ZNF468: variants seen among roughly 807,000 people sequenced by gnomAD.
The protein encoded by ZNF468 is zinc finger protein ZNF468.
ZNF468 carries 8 observed loss-of-function variants against 7.2 expected under a neutral mutation model. That is an observed-to-expected ratio of 1.11 (90% CI 0.65 to 2.01). ZNF468 has a LOEUF of 2.01. ZNF468 is among the 30% of genes most tolerant of loss of function. The pLI is 0.00. For synonymous variants in ZNF468, 218 were observed against 214.4 expected, an observed-to-expected ratio of 1.02 and a Z score of -0.15; for missense variants, 608 against 626.5, an observed-to-expected ratio of 0.97 and a Z score of 0.31.
chr19:52,850,774 C>A (rs1287662750), intron 2 of ZNF468, among the ~76,000 whole-genome samples: 1 of 151,842 alleles, frequency 6.6e-6, no homozygotes, highest in Non-Finnish European at 1.5e-5. Flanking sequence ...TGGCGGGCGC[C>A]TGTAGTCCCA....
chr19:52,846,284 C>T (rs939718360), intron 3 of ZNF468, among the ~76,000 whole-genome samples: 2 of 152,092 alleles, frequency 1.3e-5, no homozygotes, highest in Admixed American at 1.3e-4. Context: ...ACCGCAACCT[C>T]TGCCTCCCGG....
rs771700341 is a variant in ZNF468, at chr19:52,849,097, G to A, written c.132C>T (p.Leu44=). ...RDVMLENYRN[L]VSLDISSKCM... is the part of the protein sequence containing the mutation. ...GGAAGTTATCCTCACCCAGGGAGAC[G>A]AGGTTCCTATAATTCTCCAGCATCA... Residue 44 remains leucine, a synonymous_variant, in exon 3 of 4, where the codon CTC becomes CTT. Transcript: ENST00000595646. 6.2e-6 allele frequency: 10 copies of A among 1,613,572 alleles called. No homozygotes were observed. Among genetic ancestry groups the A allele is most frequent in the South Asian group, 1.1e-5 (1 of 91,038 alleles).
chr19:52,848,476 C>T (rs188688698), intron 3 of ZNF468, among the ~76,000 whole-genome samples: 1 of 152,282 alleles, frequency 6.6e-6, no homozygotes, highest in Admixed American at 6.5e-5. Context: ...ACATCAAGCT[C>T]TCTTCCAAGA....
intron 2 of ZNF468, among the ~76,000 whole-genome samples, chr19:52,849,921 T>C (rs1159777213): frequency 6.6e-6 from 1 of 151,610 alleles, no homozygotes; most frequent in Non-Finnish European, 1.5e-5. Flanking sequence ...ATAAAATAAA[T>C]GAAAACAAAA....
rs545741471 is a variant in ZNF468 at position 52,841,197 on chromosome 19, C to T, written c.1097G>A (p.Arg366Gln). The change falls in exon 4 of 4, where the codon CGA becomes CAA. Residue 366 changes from arginine to glutamine, a missense_variant. Physicochemically the swap from Arg to Gln is conservative, Grantham distance 43. Coordinates refer to ENST00000595646, the MANE Select transcript of ZNF468 (RefSeq NM_001008801.2). ...ATGATGGCGTGCAAGGGTTGATAGTCGATTAAAAACTTTGCCACATTCATT... is the reference window on the plus strand; with the variant it reads ...ATGATGGCGTGCAAGGGTTGATAGTTGATTAAAAACTTTGCCACATTCATT... Reference protein sequence around the residue: ...TCNECGKVFNRLSTLARHHRL... With the variant: ...TCNECGKVFNQLSTLARHHRL... 62 of 1,609,062 alleles carry T rather than the reference C, an allele frequency of 3.9e-5. 2 individuals carry two copies. The South Asian group carries it at 4.4e-4, about 11-fold the overall frequency.
rs562209675 is a variant in ZNF468, at chr19:52,843,329, G to A, written c.143-1178C>T. Among the ~76,000 whole-genome samples the A allele has an allele frequency of 1.6e-4, 24 of 152,096 alleles. 1 individual carries two copies. Among genetic ancestry groups the A allele is most frequent in the Middle Eastern group, 3.4e-3 (1 of 294 alleles). Reference sequence around the variant, plus strand: ...GCTCACTGCAACCTCCACCTCCTGGGTTCATGCTAGTCTCTTGCCTTAGGT... The same window carrying A: ...GCTCACTGCAACCTCCACCTCCTGGATTCATGCTAGTCTCTTGCCTTAGGT... On this transcript the variant is annotated intron_variant, in intron 3 of 3. Transcript: ENST00000595646.
At position 52,838,267 on chromosome 19, in the gene ZNF468, T is replaced by C. The variant is rs1421505819; in HGVS notation, c.*2458A>G. The C allele has an allele frequency of 6.6e-6, 1 of 152,158 alleles. No homozygotes were observed. The highest frequency in any genetic ancestry group is 1.5e-5 in the Non-Finnish European group (1 of 68,040). 9.4% of individuals were successfully genotyped at this position (152,158 alleles called of 1,614,324 possible). ...AAAGATGAAAACCACATCATCTCAA[T>C]ACATGGAGAAAAAGCATTTCACAAA... On this transcript the variant is annotated 3_prime_UTR_variant, in exon 4 of 4. Coordinates refer to ENST00000595646, the MANE Select transcript of ZNF468 (RefSeq NM_001008801.2).
rs778139055 is a variant in ZNF468, at chr19:52,841,618, A to C, written c.676T>G (p.Cys226Gly). ...TGATGTTTTTTTAAGAGTGAGCTGC[A>C]ATTAAAGGATTTGAAGCTCTGTATA... ...ECIQSFKSFN[C>G]SSLLKKHQII... Residue 226 changes from cysteine to glycine, a missense_variant, in exon 4 of 4, where the codon TGC (cysteine) becomes GGC (glycine). By Grantham distance (159) the Cys-to-Gly change is radical (BLOSUM62 -3). Transcript: ENST00000595646. 3.7e-6 allele frequency: 6 copies of C among 1,613,584 alleles called. No homozygotes were observed. Among genetic ancestry groups the C allele is most frequent in the Non-Finnish European group, 5.1e-6 (6 of 1,179,580 alleles).
chr19:52,851,277 G>GAAAC (rs1005431926), intron 2 of ZNF468, among the ~76,000 whole-genome samples: 4 of 148,714 alleles, frequency 2.7e-5, no homozygotes, highest in African/African-American at 5.0e-5. Flanking sequence ...GTCTCAAAAA[G>GAAAC]AAACAAACAA....
At chr19:52,853,328 T>C (rs2063406353) in intron 2 of ZNF468, among the ~76,000 whole-genome samples, 1 of 152,096 alleles carries the variant, frequency 6.6e-6, no homozygotes, top group African/African-American at 2.4e-5. Flanking sequence ...GCAGCTTTGC[T>C]TGGAGTTTTA....
chr19:52,853,157 G>C (rs1327709912), intron 2 of ZNF468, among the ~76,000 whole-genome samples: 4 of 152,038 alleles, frequency 2.6e-5, no homozygotes, highest in Non-Finnish European at 5.9e-5. Flanking sequence ...GCGTGGCCCA[G>C]AATTTTTTTT....
At chr19:52,853,144 C>T (rs750410444) in intron 2 of ZNF468, among the ~76,000 whole-genome samples, 16 of 152,034 alleles carry the variant, frequency 1.1e-4, no homozygotes, top group African/African-American at 3.1e-4. Context: ...TGTGAGCCAC[C>T]GCGCGTGGCC....
At chr19:52,855,947 G>A (rs553368344) in intron 1 of ZNF468, among the ~76,000 whole-genome samples, 12 of 152,348 alleles carry the variant, frequency 7.9e-5, no homozygotes, top group South Asian at 6.2e-4. Context: ...GAGAAGGTGT[G>A]CCTGAATTCT....
At chr19:52,853,960 G>GC in intron 2 of ZNF468, 1 of 1,429,920 alleles carries the variant, frequency 7.0e-7, no homozygotes, top group Non-Finnish European at 9.1e-7. Context: ...TCCAGATGTG[G>GC]CCCCTGAACA....
rs552557918 is a variant in ZNF468 at position 52,850,578 on chromosome 19, GC to G, written c.16-1366del. Among the ~76,000 whole-genome samples the G allele has an allele frequency of 2.3e-3, 348 of 151,384 alleles. 4 individuals are homozygous for G. The highest frequency in any genetic ancestry group is 8.3e-3 in the African/African-American group (341 of 41,288). On this transcript the variant is annotated intron_variant, in intron 2 of 3. Coordinates refer to ENST00000595646, the MANE Select transcript of ZNF468 (RefSeq NM_001008801.2). ...ACACTGCAGTCTACTTGAGGGTGGA[GC>G]GGGGAGGAAGGAGAGGAGCACAAAA...
chr19:52,840,669 C>T lies in ZNF468; in HGVS notation c.*56G>A, dbSNP rs1168775270. The T allele has an allele frequency of 7.4e-6, 12 of 1,610,784 alleles. No individual in the cohort carries two copies. Among genetic ancestry groups the T allele is most frequent in the Non-Finnish European group, 6.8e-6 (8 of 1,177,602 alleles). Reference sequence around the variant, plus strand: ...AAGGTTTCTCTCCAGTATGAATTGCCTTATGACTTACAGGGTTGAATTGTG... The same window carrying T: ...AAGGTTTCTCTCCAGTATGAATTGCTTTATGACTTACAGGGTTGAATTGTG... On this transcript the variant is annotated 3_prime_UTR_variant, in exon 4 of 4. Transcript: ENST00000595646.
intron 1 of ZNF468, among the ~76,000 whole-genome samples, chr19:52,855,346 T>C (rs1019290535): frequency 6.6e-6 from 1 of 152,120 alleles, no homozygotes; most frequent in African/African-American, 2.4e-5. Context: ...CCATCTTCAT[T>C]TAGAAACATT....
chr19:52,855,372 C>T (rs1429049747), intron 1 of ZNF468, among the ~76,000 whole-genome samples: 3 of 152,124 alleles, frequency 2.0e-5, no homozygotes. Context: ...AGAGCAGGGA[C>T]AACAACCTGA....
intron 2 of ZNF468, among the ~76,000 whole-genome samples, chr19:52,853,534 CA>C (rs869230611): frequency 7.2e-6 from 1 of 138,324 alleles, no homozygotes; most frequent in Non-Finnish European, 1.6e-5. Flanking sequence ...ACTAAAAATA[CA>C]AAAAAATTAG....
Sources: allele counts gnomAD v4.1 joint callset (sites outside exome capture counted in the v4.1 genomes callset), GRCh38; gene constraint gnomAD v4.1.1; transcripts MANE v1.5; gene names NCBI Gene and HGNC (gene_info 2026-07-23, HGNC 2026-07-21).